Variants in WWOX observed in about 807,000 individuals in gnomAD.
The protein encoded by WWOX is WW domain-containing oxidoreductase.
Under a neutral mutation model 46.2 loss-of-function variants are expected in WWOX, and 69 were observed. That is an observed-to-expected ratio of 1.49 (90% CI 1.23 to 1.82). The LOEUF (loss-of-function observed/expected upper bound fraction) is 1.82. Ranked by LOEUF, WWOX falls within the 40% of genes most tolerant of loss-of-function variation. WWOX has a pLI of 0.00. For synonymous variants in WWOX, 359 were observed against 202.6 expected, an observed-to-expected ratio of 1.77 and a Z score of -6.56; for missense variants, 919 against 542.6, an observed-to-expected ratio of 1.69 and a Z score of -6.89.
intron 8 of WWOX, among the ~76,000 whole-genome samples, chr16:78,714,262 T>G (rs569689667): frequency 1.3e-5 from 2 of 152,218 alleles, no homozygotes; most frequent in Non-Finnish European, 1.5e-5. Context: ...AACGGACTCA[T>G]AGTTGCACAT....
chr16:78,896,335 C>T (rs2044699641), intron 8 of WWOX: 1 of 152,036 alleles, frequency 6.6e-6, no homozygotes, highest in African/African-American at 2.4e-5. Context: ...CTTCCCAAAA[C>T]CACTTGGTGT....
At chr16:78,710,640 G>T (rs974055799) in intron 8 of WWOX, among the ~76,000 whole-genome samples, 1 of 148,408 alleles carries the variant, frequency 6.7e-6, no homozygotes, top group African/African-American at 2.5e-5. Flanking sequence ...TTTGAGACAG[G>T]GTCTTGCTCT....
At chr16:78,514,258 C>G (rs189277413) in intron 8 of WWOX, among the ~76,000 whole-genome samples, 41 of 152,270 alleles carry the variant, frequency 2.7e-4, no homozygotes, top group African/African-American at 9.4e-4. Context: ...TGCTTTGACT[C>G]CCTCCTTTAG....
At chr16:78,580,769 C>G (rs550232207) in intron 8 of WWOX, among the ~76,000 whole-genome samples, 1 of 152,202 alleles carries the variant, frequency 6.6e-6, no homozygotes, top group Non-Finnish European at 1.5e-5. Context: ...GAGAAGTCTG[C>G]TAATTATTCT....
chr16:78,117,697 T>TC (rs1331860642), intron 4 of WWOX, among the ~76,000 whole-genome samples: 5 of 152,216 alleles, frequency 3.3e-5, no homozygotes, highest in Non-Finnish European at 5.9e-5. Flanking sequence ...CTACTTTAGT[T>TC]CCGCTCATTT....
At chr16:78,743,502 G>A (rs2049279053) in intron 8 of WWOX, among the ~76,000 whole-genome samples, 1 of 152,106 alleles carries the variant, frequency 6.6e-6, no homozygotes, top group South Asian at 2.1e-4. Flanking sequence ...AACAGGATCT[G>A]GAGGCAGGGA....
intron 8 of WWOX, among the ~76,000 whole-genome samples, chr16:78,998,116 T>A (rs2047025218): frequency 2.0e-5 from 3 of 152,076 alleles, no homozygotes; most frequent in Admixed American, 1.3e-4. Context: ...CCTCAGGTGA[T>A]CCCGCCCGCC....
intron 8 of WWOX, among the ~76,000 whole-genome samples, chr16:78,486,585 G>GTTTTC (rs1555547961): frequency 0.012 from 1,883 of 151,236 alleles, 33 homozygotes; most frequent in African/African-American, 0.043. Flanking sequence ...GTTTTGTTTT[G>GTTTTC]TTTTGTTTTG....
chr16:78,351,857 A>G (rs938096551), intron 5 of WWOX, among the ~76,000 whole-genome samples: 15 of 152,124 alleles, frequency 9.9e-5, no homozygotes, highest in Non-Finnish European at 2.1e-4. Flanking sequence ...TAGTTTCACC[A>G]TGTTGGCCAG....
rs1439916237 is a variant in WWOX, at chr16:78,344,560, C to G, written c.517-42300C>G. The stretch of plus-strand genomic sequence containing the variant: ...CATGAATGGGAATCTTTGCCTGTGA[C>G]TCTATCGTGTGAATTAGCAGAGCTT... On this transcript the variant is annotated intron_variant, in intron 5 of 8. Transcript: ENST00000566780. Among the ~76,000 whole-genome samples, 3 of 121,030 alleles carry G rather than the reference C, an allele frequency of 2.5e-5. 1 individual carries two copies. Among genetic ancestry groups the G allele is most frequent in the Admixed American group, 2.4e-4 (3 of 12,516 alleles). 79.4% of individuals were successfully genotyped at this position (121,030 alleles called of 152,430 possible).
intron 8 of WWOX, among the ~76,000 whole-genome samples, chr16:79,167,300 A>G (rs1303969904): frequency 6.6e-6 from 1 of 152,234 alleles, no homozygotes; most frequent in Non-Finnish European, 1.5e-5. Context: ...ATATGACAAA[A>G]TGCTAACAAT....
chr16:78,576,756 A>G (rs2151581813), intron 8 of WWOX, among the ~76,000 whole-genome samples: 1 of 152,338 alleles, frequency 6.6e-6, no homozygotes, highest in South Asian at 2.1e-4. Context: ...TCTTAAGCCC[A>G]GAAGATTCAG....
At chr16:78,376,851 G>C (rs1164539394) in intron 5 of WWOX, among the ~76,000 whole-genome samples, 1 of 152,226 alleles carries the variant, frequency 6.6e-6, no homozygotes, top group East Asian at 1.9e-4. Context: ...CTGGAACTGA[G>C]ACCATCTCCC....
At chr16:78,516,504 A>C (rs774363274) in intron 8 of WWOX, among the ~76,000 whole-genome samples, 95 of 152,166 alleles carry the variant, frequency 6.2e-4, no homozygotes, top group Non-Finnish European at 1.1e-3. Context: ...TAGAAAATTG[A>C]CATCATCTCT....
intron 8 of WWOX, among the ~76,000 whole-genome samples, chr16:78,454,826 C>T (rs550869997): frequency 1.3e-5 from 2 of 152,208 alleles, no homozygotes; most frequent in East Asian, 1.9e-4. Context: ...TGTGTATGTG[C>T]CAATGATGAC....
chr16:78,324,301 G>T (rs1336762681), intron 5 of WWOX, among the ~76,000 whole-genome samples: 1 of 152,096 alleles, frequency 6.6e-6, no homozygotes, highest in Non-Finnish European at 1.5e-5. Flanking sequence ...AGCAGGTGTT[G>T]CTGGGAATGT....
intron 5 of WWOX, among the ~76,000 whole-genome samples, chr16:78,382,262 T>C (rs1429066552): frequency 6.6e-6 from 1 of 152,176 alleles, no homozygotes; most frequent in East Asian, 1.9e-4. Flanking sequence ...CATGACTTTG[T>C]CAAGGAAATG....
chr16:78,788,753 C>G (rs1236679357), intron 8 of WWOX, among the ~76,000 whole-genome samples: 2 of 152,178 alleles, frequency 1.3e-5, no homozygotes, highest in Non-Finnish European at 2.9e-5. Context: ...GGAACTTCCA[C>G]CTGAAGCCCC....
intron 8 of WWOX, among the ~76,000 whole-genome samples, chr16:79,165,082 A>G (rs890607420): frequency 2.6e-5 from 4 of 151,718 alleles, no homozygotes; most frequent in Admixed American, 2.6e-4. Context: ...CACTTATCCT[A>G]CGTTCCATGT....
Sources: allele counts gnomAD v4.1 joint callset (sites outside exome capture counted in the v4.1 genomes callset), GRCh38; gene constraint gnomAD v4.1.1; transcripts MANE v1.5; gene names NCBI Gene and HGNC (gene_info 2026-07-23, HGNC 2026-07-21).